The following FRMD1 variants were observed in gnomAD, a reference collection of about 807,000 sequenced individuals.
FRMD1 encodes the protein FERM domain containing 1.
Under a neutral mutation model 54.9 loss-of-function variants are expected in FRMD1, and 51 were observed. The observed-to-expected ratio is 0.93, with a 90% CI of 0.74 to 1.17. The LOEUF (loss-of-function observed/expected upper bound fraction) is 1.17. FRMD1 is among the 50% of genes most tolerant of loss of function. FRMD1 has a pLI of 0.00. For synonymous variants in FRMD1, 324 were observed against 306.4 expected (o/e 1.06, Z -0.60); for missense variants, 729 against 743.0 (o/e 0.98, Z 0.22).
chr6:168,059,097 G>T lies in FRMD1; in HGVS notation c.1407+27C>A. 6.5e-7 allele frequency: 1 copy of T among 1,529,354 alleles called. No homozygotes were observed. The highest frequency in any genetic ancestry group is 1.2e-5 in the South Asian group (1 of 84,288). The allele number at this position is 1,529,354 out of a possible 1,614,324, so 94.7% of individuals were successfully genotyped here. A position where few individuals can be genotyped will look rare whatever the true frequency, so the allele number is the denominator to read the frequency against. On this transcript the variant is annotated intron_variant, in intron 10 of 10. Coordinates refer to ENST00000283309, the MANE Select transcript of FRMD1 (RefSeq NM_024919.6). This position sits in a 1 kb window ranked among gnomAD's most constrained non-coding sequence, Gnocchi z 4.4. The stretch of plus-strand genomic sequence containing the variant: ...AAGGGGGTGGAGGAGCAGGGCCAGG[G>T]CTTCTGGCCCGTGGGGGGGACTCTA...
chr6:168,066,944 G>C (rs73028331), intron 3 of FRMD1, 113 bp from the exon 4 acceptor site: 1 of 1,337,162 alleles, frequency 7.5e-7, no homozygotes, highest in Non-Finnish European at 1.0e-6. Flanking sequence ...TAAAGTCGAA[G>C]CTCAGGTGTC....
intron 4 of FRMD1, 79 bp from the exon 5 acceptor site, chr6:168,065,136 C>G (rs904807247): frequency 6.6e-7 from 1 of 1,504,436 alleles, no homozygotes; most frequent in Non-Finnish European, 8.9e-7. Context: ...TTGTCCCTCC[C>G]CACACCAGCT....
chr6:168,063,822 C>T, intron 5 of FRMD1, 66 bp from the exon 6 acceptor site: 1 of 1,504,938 alleles, frequency 6.6e-7, no homozygotes, highest in Non-Finnish European at 8.9e-7. Flanking sequence ...TGCCAGCCCC[C>T]TGCTCCGAGA....
At chr6:168,067,297 C>A (rs935597287) in intron 3 of FRMD1, 70 bp downstream of exon 3, 1 of 989,974 alleles carries the variant, frequency 1.0e-6, no homozygotes, top group Non-Finnish European at 1.6e-6. Context: ...TCTCCCACCC[C>A]ACGTGTCCCC....
intron 7 of FRMD1, among the ~76,000 whole-genome samples, chr6:168,062,412 C>G (rs1045696216): frequency 1.3e-4 from 20 of 152,352 alleles, no homozygotes; most frequent in African/African-American, 4.8e-4. Context: ...TTCTTTTCTC[C>G]CTTGATTTTC....
In FRMD1 at chr6:168,059,708, T is replaced by C. The variant is rs1170215414; in HGVS notation, c.1343-520A>G. ...AGACCAGCAGAGCTCACGTCCCCTT[T>C]CTGGGGCAATGAGGAAGCTCTTCAG... is the stretch of plus-strand genomic sequence containing the variant. On this transcript the variant is annotated intron_variant, in intron 9 of 10. Coordinates refer to ENST00000283309, the MANE Select transcript of FRMD1 (RefSeq NM_024919.6). This position sits in a 1 kb window ranked among gnomAD's most constrained non-coding sequence, Gnocchi z 4.4. 6.6e-6 allele frequency among the ~76,000 whole-genome samples: 1 copy of C among 152,118 alleles called. No homozygotes were observed. Among genetic ancestry groups the C allele is most frequent in the African/African-American group, 2.4e-5 (1 of 41,438 alleles).
At chr6:168,086,114 C>T (rs117385782), upstream of FRMD1, among the ~76,000 whole-genome samples, 83 of 152,356 alleles carry the variant, frequency 5.4e-4, 1 homozygote, top group East Asian at 0.012. Context: ...CCAGCAGGGA[C>T]GCCAGCCATG....
chr6:168,066,757 T>A lies in FRMD1; in HGVS notation c.459A>T (p.Ile153=). The A allele has an allele frequency of 6.2e-7, 1 of 1,613,800 alleles. No homozygotes were observed. The highest frequency in any genetic ancestry group is 1.1e-5 in the South Asian group (1 of 90,994). Reference sequence around the variant, plus strand: ...CCTTACAGTCCGCATGCCGTTACCTTATGACCCTTCCGTTTTCCACGTAGT... The same window carrying A: ...CCTTACAGTCCGCATGCCGTTACCTAATGACCCTTCCGTTTTCCACGTAGT... ...VQHYVENGRV[I]SDHRARHLYY... is the part of the protein sequence containing the mutation. The change falls in exon 4 of 11, where the codon ATA becomes ATT. Residue 153 remains isoleucine (I), a splice_region_variant and synonymous_variant. Coordinates refer to ENST00000283309, the MANE Select transcript of FRMD1 (RefSeq NM_024919.6).
intron 7 of FRMD1, chr6:168,062,645 G>T (rs1375658525): frequency 6.5e-6 from 10 of 1,548,478 alleles, no homozygotes; most frequent in Non-Finnish European, 7.9e-6. Context: ...GGCTTTCCAG[G>T]GCACGGGGAC....
chr6:168,067,516 CTG>C (rs777391249), intron 2 of FRMD1, 70 bp from the exon 3 acceptor site: 4 of 913,306 alleles, frequency 4.4e-6, no homozygotes, highest in Non-Finnish European at 7.0e-6. Flanking sequence ...GTGTTCAAAA[CTG>C]AGTGTGGCTT....
Position 168,056,152 on chromosome 6 carries a change from G to C in FRMD1, c.*945C>G, listed in dbSNP as rs1484567844. The C allele has an allele frequency of 6.6e-6, 1 of 152,480 alleles. No individual in the cohort carries two copies. Among genetic ancestry groups the C allele is most frequent in the Non-Finnish European group, 1.5e-5 (1 of 68,232 alleles). 9.4% of individuals were successfully genotyped at this position (152,480 alleles called of 1,614,324 possible). On this transcript the variant is annotated 3_prime_UTR_variant, in exon 11 of 11. Coordinates refer to ENST00000283309, the MANE Select transcript of FRMD1 (RefSeq NM_024919.6). ...AGGTTTGCACGTGTGCAGGAGTGTT[G>C]TGCAGGGGGAGGAGCCCTGGGGAGA...
intron 1 of FRMD1, among the ~76,000 whole-genome samples, chr6:168,090,066 C>A (rs1237071547): frequency 1.3e-5 from 2 of 152,146 alleles, no homozygotes; most frequent in South Asian, 4.2e-4. Context: ...GACAGTGAGC[C>A]AATCCCGGCG....
chr6:168,082,677 A>G (rs1042517779), upstream of FRMD1, among the ~76,000 whole-genome samples: 12 of 152,254 alleles, frequency 7.9e-5, no homozygotes, highest in Admixed American at 6.5e-4. Context: ...CCCACCGCAA[A>G]GCTCCTCCCC....
intron 2 of FRMD1, among the ~76,000 whole-genome samples, chr6:168,073,974 C>G (rs1206174414): frequency 6.6e-6 from 1 of 152,134 alleles, no homozygotes; most frequent in Non-Finnish European, 1.5e-5. Flanking sequence ...TGAGCTTCAT[C>G]TCCATCTGTC....
At chr6:168,062,786 G>A (rs770624285) in intron 7 of FRMD1, 108 bp downstream of exon 7, 68 of 1,601,442 alleles carry the variant, frequency 4.2e-5, no homozygotes, top group Non-Finnish European at 5.5e-5. Flanking sequence ...GCCAGCCAGC[G>A]CCCATGACCG....
At chr6:168,092,389 G>T (rs140117862) in intron 1 of FRMD1, among the ~76,000 whole-genome samples, 2,120 of 152,294 alleles carry the variant, frequency 0.014, 21 homozygotes, top group Non-Finnish European at 0.019. Flanking sequence ...ACGCGAGGGG[G>T]ATGGTGTTAG....
At chr6:168,069,181 C>T (rs1322803126) in intron 2 of FRMD1, among the ~76,000 whole-genome samples, 1 of 152,226 alleles carries the variant, frequency 6.6e-6, no homozygotes, top group South Asian at 2.1e-4. Context: ...CTTGCAGAGT[C>T]TAGGGGAGTC....
chr6:168,088,735 C>A (rs760027771), intron 1 of FRMD1, among the ~76,000 whole-genome samples: 1 of 152,062 alleles, frequency 6.6e-6, no homozygotes, highest in Non-Finnish European at 1.5e-5. Context: ...GACAGAACCC[C>A]CAGGCTACCC....
intron 10 of FRMD1, among the ~76,000 whole-genome samples, chr6:168,058,541 T>C (rs1799539264): frequency 1.0e-5 from 1 of 96,948 alleles, no homozygotes; most frequent in South Asian, 3.9e-4. Flanking sequence ...CTCACCCTCC[T>C]GTGGTGGAGC....
Sources: gnomAD v4.1 joint callset for allele counts (sites outside exome capture counted in the v4.1 genomes callset) on GRCh38, gnomAD v4.1.1 for gene constraint, Gnocchi (gnomAD v3.1) non-coding constraint, MANE v1.5 for transcripts, NCBI Gene and HGNC (gene_info 2026-07-23, HGNC 2026-07-21) for gene names.